Variants in CPQ observed in about 807,000 individuals in gnomAD.
The protein encoded by CPQ is carboxypeptidase Q, also known as Ser-Met dipeptidase.
In CPQ, 37 loss-of-function variants were observed where a neutral mutation model predicts 45.7. That is an observed-to-expected ratio of 0.81 (90% CI 0.62 to 1.07). CPQ has a LOEUF of 1.07. CPQ is among the 50% of genes least tolerant of loss of function. The pLI, the probability that CPQ is intolerant of heterozygous loss-of-function variation, is 0.00. For missense variants in CPQ, 537 were observed against 572.9 expected, an observed-to-expected ratio of 0.94 and a Z score of 0.64; for synonymous variants, 186 against 205.8, an observed-to-expected ratio of 0.90 and a Z score of 0.82.
Position 96,772,489 on chromosome 8 carries a change from GATGAGCTCAAA to G in CPQ, c.-34-12374_-34-12364del, listed in dbSNP as rs1232698428. 2.0e-5 allele frequency among the ~76,000 whole-genome samples: 3 copies of G among 152,040 alleles called. No individual in the cohort carries two copies. The East Asian group carries it at 5.8e-4, about 29-fold the overall frequency. ...AACTGAGAGAGCTCACTCAGTTATAGATGAGCTCAAATGATATATGGTGCCTTGATGTGAAT... is the reference window on the plus strand; with the variant it reads ...AACTGAGAGAGCTCACTCAGTTATAGTGATATATGGTGCCTTGATGTGAAT... On this transcript the variant is annotated intron_variant, in intron 1 of 7. Transcript: ENST00000220763.
At chr8:97,081,146 CA>C (rs1474270860) in intron 7 of CPQ, among the ~76,000 whole-genome samples, 2 of 152,068 alleles carry the variant, frequency 1.3e-5, no homozygotes, top group East Asian at 3.8e-4. Flanking sequence ...TTATAAATAT[CA>C]TGTTTGAAAA....
intron 7 of CPQ, among the ~76,000 whole-genome samples, chr8:97,126,298 G>A (rs956407714): frequency 3.9e-5 from 6 of 152,170 alleles, no homozygotes; most frequent in African/African-American, 1.4e-4. Context: ...ACCTTCTGAG[G>A]TTGGACAGGT....
At chr8:96,975,219 C>G (rs1009342433) in intron 5 of CPQ, among the ~76,000 whole-genome samples, 1 of 151,878 alleles carries the variant, frequency 6.6e-6, no homozygotes, top group Non-Finnish European at 1.5e-5. Flanking sequence ...CTGTGAACAC[C>G]TTTACACACA....
chr8:96,768,196 G>A (rs1586392715), intron 1 of CPQ, among the ~76,000 whole-genome samples: 1 of 151,860 alleles, frequency 6.6e-6, no homozygotes, highest in African/African-American at 2.4e-5. Flanking sequence ...GTGCCCTGAT[G>A]TAGTGCTACA....
At chr8:96,700,812 A>C (rs1809448485) in intron 1 of CPQ, among the ~76,000 whole-genome samples, 1 of 152,234 alleles carries the variant, frequency 6.6e-6, no homozygotes. Context: ...TGAAGGATGG[A>C]GGGAGAAGAA....
intron 1 of CPQ, among the ~76,000 whole-genome samples, chr8:96,651,996 T>C (rs761540132): frequency 6.6e-6 from 1 of 152,182 alleles, no homozygotes; most frequent in Non-Finnish European, 1.5e-5. Flanking sequence ...TATTTGAAAT[T>C]TGCTCTCTTA....
chr8:96,855,162 G>A (rs1811830318), intron 3 of CPQ, among the ~76,000 whole-genome samples: 1 of 152,160 alleles, frequency 6.6e-6, no homozygotes, highest in African/African-American at 2.4e-5. Flanking sequence ...AATGTGCTTT[G>A]CTCAGTTTAC....
intron 6 of CPQ, among the ~76,000 whole-genome samples, chr8:97,042,401 A>G (rs1268118225): frequency 2.0e-5 from 3 of 151,530 alleles, no homozygotes; most frequent in Non-Finnish European, 4.4e-5. Context: ...TCTTGCTAGC[A>G]GTCTATCAAT....
At chr8:96,783,747 T>C (rs1009263200) in intron 1 of CPQ, among the ~76,000 whole-genome samples, 1 of 152,210 alleles carries the variant, frequency 6.6e-6, no homozygotes, top group African/African-American at 2.4e-5. Context: ...CACGTATCTA[T>C]TGAGTACTTG....
chr8:96,725,786 T>A (rs1809829318), intron 1 of CPQ, among the ~76,000 whole-genome samples: 1 of 152,230 alleles, frequency 6.6e-6, no homozygotes, highest in Admixed American at 6.5e-5. Flanking sequence ...CATGCACTCA[T>A]ATGTTTACCA....
chr8:96,707,526 A>C (rs746955933), intron 1 of CPQ, among the ~76,000 whole-genome samples: 1 of 151,998 alleles, frequency 6.6e-6, no homozygotes, highest in Non-Finnish European at 1.5e-5. Flanking sequence ...GTGTGGCCCA[A>C]GACAATTCTT....
At chr8:96,913,963 T>C (rs1421114131) in intron 4 of CPQ, among the ~76,000 whole-genome samples, 1 of 152,214 alleles carries the variant, frequency 6.6e-6, no homozygotes, top group Non-Finnish European at 1.5e-5. Flanking sequence ...GTTCATTTCA[T>C]TGTATTCAAG....
In CPQ at chr8:96,737,254, C is replaced by CAA. The variant is rs771592276; in HGVS notation, c.-34-47602_-34-47601dup. Among the ~76,000 whole-genome samples the CAA allele has an allele frequency of 5.8e-3, 720 of 124,776 alleles. 9 individuals are homozygous for CAA. Among genetic ancestry groups the CAA allele is most frequent in the East Asian group, 0.054 (246 of 4,546 alleles). 81.9% of individuals were successfully genotyped at this position (124,776 alleles called of 152,430 possible). On this transcript the variant is annotated intron_variant, in intron 1 of 7. Transcript: ENST00000220763. ...ATACACACACACACACACACACACA[C>CAA]AAAAAAAAACTAATAGGATATATAT...
intron 3 of CPQ, among the ~76,000 whole-genome samples, chr8:96,870,102 A>G (rs1180337967): frequency 2.0e-5 from 3 of 152,070 alleles, no homozygotes; most frequent in Non-Finnish European, 4.4e-5. Flanking sequence ...GGTGGTGATG[A>G]TCATAACTAC....
chr8:97,006,194 A>G (rs1449979963), intron 5 of CPQ, among the ~76,000 whole-genome samples: 1 of 152,184 alleles, frequency 6.6e-6, no homozygotes, highest in Non-Finnish European at 1.5e-5. Context: ...TTTCAATAAA[A>G]GGGTGAAAAC....
At chr8:97,002,662 A>T (rs1809306461) in intron 5 of CPQ, among the ~76,000 whole-genome samples, 1 of 152,040 alleles carries the variant, frequency 6.6e-6, no homozygotes, top group Non-Finnish European at 1.5e-5. Context: ...TTTGCTGAGG[A>T]GTGTTTTACT....
intron 7 of CPQ, among the ~76,000 whole-genome samples, chr8:97,087,902 G>A (rs1811066868): frequency 6.6e-6 from 1 of 152,058 alleles, no homozygotes; most frequent in Non-Finnish European, 1.5e-5. Flanking sequence ...TGATCAAATT[G>A]GAATATTTCT....
intron 7 of CPQ, among the ~76,000 whole-genome samples, chr8:97,136,445 C>A (rs1812060362): frequency 6.6e-6 from 1 of 152,150 alleles, no homozygotes; most frequent in South Asian, 2.1e-4. Context: ...CCTATTAATC[C>A]TCACAAGCAT....
rs1303883171 is a variant in CPQ at position 96,955,650 on chromosome 8, A to G, written c.850-10285A>G. On this transcript the variant is annotated intron_variant, in intron 4 of 7. Transcript: ENST00000220763. ...ACTACAAGGCTACAGTAACCAAAACAGCATGGTACTGGTACCAAAACAGAG... is the reference window on the plus strand; with the variant it reads ...ACTACAAGGCTACAGTAACCAAAACGGCATGGTACTGGTACCAAAACAGAG... Among the ~76,000 whole-genome samples the G allele has an allele frequency of 2.0e-5, 3 of 152,234 alleles. No homozygotes were observed. The East Asian group carries it at 5.8e-4, about 29-fold the overall frequency.
Sources: gnomAD v4.1 joint callset for allele counts (sites outside exome capture counted in the v4.1 genomes callset) on GRCh38, gnomAD v4.1.1 for gene constraint, MANE v1.5 for transcripts, NCBI Gene and HGNC (gene_info 2026-07-23, HGNC 2026-07-21) for gene names.